The following TACR1 variants were observed in gnomAD, a reference collection of about 807,000 sequenced individuals.
The protein encoded by TACR1 is substance-P receptor.
TACR1 carries 25 observed loss-of-function variants against 35.8 expected under a neutral mutation model. That is an observed-to-expected ratio of 0.70 (90% CI 0.51 to 0.98). The LOEUF is 0.98. Among genes scored for constraint, TACR1 ranks in the 50% least tolerant of loss-of-function variants. The pLI, the probability that TACR1 is intolerant of heterozygous loss-of-function variation, is 0.00. For synonymous variants in TACR1, 195 were observed against 206.7 expected (o/e 0.94, Z 0.48); for missense variants, 478 against 522.9 (o/e 0.91, Z 0.84).
intron 2 of TACR1, among the ~76,000 whole-genome samples, chr2:75,098,744 C>G (rs555446478): frequency 3.8e-4 from 58 of 152,238 alleles, no homozygotes; most frequent in African/African-American, 1.4e-3. Context: ...CCAGTCTCTC[C>G]CACTTTCCTC....
intron 1 of TACR1, among the ~76,000 whole-genome samples, chr2:75,165,803 A>T (rs1675129291): frequency 6.6e-6 from 1 of 152,154 alleles, no homozygotes; most frequent in African/African-American, 2.4e-5. Flanking sequence ...CAAATGCCCA[A>T]CAGTGGAGGC....
chr2:75,169,315 G>A (rs1675220179), intron 1 of TACR1, among the ~76,000 whole-genome samples: 1 of 152,068 alleles, frequency 6.6e-6, no homozygotes, highest in Non-Finnish European at 1.5e-5. Context: ...GTTATAGTAT[G>A]TCTTTGTATT....
At chr2:75,174,488 TGTG>T in intron 1 of TACR1, among the ~76,000 whole-genome samples, 1 of 152,002 alleles carries the variant, frequency 6.6e-6, no homozygotes, top group East Asian at 1.9e-4. Context: ...AGTGGGACAG[TGTG>T]AAACTTCATC....
At chr2:75,169,632 G>A (rs1254781203) in intron 1 of TACR1, among the ~76,000 whole-genome samples, 1 of 152,140 alleles carries the variant, frequency 6.6e-6, no homozygotes. Flanking sequence ...ACCATAAAGT[G>A]AAAGGAATAT....
intron 1 of TACR1, among the ~76,000 whole-genome samples, chr2:75,183,175 A>G (rs962183833): frequency 6.6e-6 from 1 of 152,194 alleles, no homozygotes; most frequent in Admixed American, 6.5e-5. Context: ...GCCAAACTTG[A>G]CTTGTATTAA....
intron 1 of TACR1, among the ~76,000 whole-genome samples, chr2:75,169,604 C>T (rs765132273): frequency 2.0e-5 from 3 of 152,012 alleles, no homozygotes; most frequent in Non-Finnish European, 4.4e-5. Context: ...ACAATTTAAA[C>T]CTGGAATTCA....
intron 1 of TACR1, among the ~76,000 whole-genome samples, chr2:75,157,228 A>G (rs1558574146): frequency 6.6e-6 from 1 of 152,042 alleles, no homozygotes; most frequent in Non-Finnish European, 1.5e-5. Context: ...ACTTGGAGGA[A>G]AGCTAGACCC....
At chr2:75,098,073 A>G (rs573324162) in intron 2 of TACR1, among the ~76,000 whole-genome samples, 2 of 152,360 alleles carry the variant, frequency 1.3e-5, no homozygotes, top group Admixed American at 6.5e-5. Flanking sequence ...CTGTTAAAAA[A>G]TAATACACAT....
intron 1 of TACR1, among the ~76,000 whole-genome samples, chr2:75,135,929 T>G (rs1195067278): frequency 2.0e-5 from 3 of 152,222 alleles, no homozygotes; most frequent in Non-Finnish European, 4.4e-5. Context: ...TTTCGCATTC[T>G]GTTTCACCAT....
chr2:75,051,334 GA>G lies in TACR1; in HGVS notation c.848del (p.Ile283ThrfsTer13). On this transcript the variant is annotated frameshift_variant, in exon 4 of 5. Transcript: ENST00000305249. LOFTEE classifies it high-confidence loss of function. ...INPDLYLKKF[I>X]QQVYLAIMWL... ...ACATGATGGCCAGGTAGACCTGCTG[GA>G]TAAACTTCTTCAGGTAGAGATCTGG... 1 of 1,614,230 alleles carries G rather than the reference GA, an allele frequency of 6.2e-7. No individual in the cohort carries two copies. Among genetic ancestry groups the G allele is most frequent in the East Asian group, 2.2e-5 (1 of 44,874 alleles).
chr2:75,106,197 A>T (rs1673641747), intron 2 of TACR1, among the ~76,000 whole-genome samples: 1 of 152,090 alleles, frequency 6.6e-6, no homozygotes, highest in Non-Finnish European at 1.5e-5. Flanking sequence ...TGATAAACTC[A>T]TCGAAAGTTA....
At chr2:75,106,377 A>T (rs1180320158) in intron 2 of TACR1, among the ~76,000 whole-genome samples, 1 of 152,042 alleles carries the variant, frequency 6.6e-6, no homozygotes, top group Non-Finnish European at 1.5e-5. Context: ...GAAATCATGG[A>T]ACCTCTGAAA....
intron 2 of TACR1, among the ~76,000 whole-genome samples, chr2:75,104,144 A>G (rs1673595411): frequency 1.3e-5 from 2 of 152,084 alleles, no homozygotes. Context: ...AATTAAGACT[A>G]AAGTATATTC....
chr2:75,104,056 C>T (rs1371963008), intron 2 of TACR1, among the ~76,000 whole-genome samples: 1 of 151,922 alleles, frequency 6.6e-6, no homozygotes. Context: ...ATGTACCTAT[C>T]CATAATTACC....
rs1048687128 is a variant in TACR1 at position 75,058,016 on chromosome 2, C to T, written c.585-4261G>A. ...AGGCACTTGACAACTACACCCTCCC[C>T]GTGCCACATCCCCACTGAAAAATAA... On this transcript the variant is annotated intron_variant, in intron 2 of 4. Transcript: ENST00000305249. 9.2e-5 allele frequency among the ~76,000 whole-genome samples: 14 copies of T among 152,168 alleles called. No homozygotes were observed. In the East Asian group the frequency reaches 9.6e-4, roughly 10 times the overall value.
At chr2:75,155,262 G>C (rs1674817113) in intron 1 of TACR1, among the ~76,000 whole-genome samples, 1 of 152,108 alleles carries the variant, frequency 6.6e-6, no homozygotes, top group Admixed American at 6.5e-5. Flanking sequence ...AATTCTAACT[G>C]TCTTCTTGCC....
chr2:75,176,687 C>T (rs1245980444), intron 1 of TACR1, among the ~76,000 whole-genome samples: 1 of 152,118 alleles, frequency 6.6e-6, no homozygotes, highest in East Asian at 1.9e-4. Context: ...AGGCCTCTAC[C>T]TTGTCCTCCC....
chr2:75,077,466 C>A (rs1225249523), intron 2 of TACR1, among the ~76,000 whole-genome samples: 1 of 152,140 alleles, frequency 6.6e-6, no homozygotes, highest in Non-Finnish European at 1.5e-5. Context: ...GTAGACTCTT[C>A]CAGAAGAAGC....
At chr2:75,150,426 T>C (rs951529699) in intron 1 of TACR1, among the ~76,000 whole-genome samples, 6 of 152,202 alleles carry the variant, frequency 3.9e-5, no homozygotes, top group South Asian at 2.1e-4. Context: ...GGGGCCTGTC[T>C]TTCCCATGCT....
Sources: gnomAD v4.1 joint callset for allele counts (sites outside exome capture counted in the v4.1 genomes callset) on GRCh38, gnomAD v4.1.1 for gene constraint, MANE v1.5 for transcripts, NCBI Gene and HGNC (gene_info 2026-07-23, HGNC 2026-07-21) for gene names.